Variants in BSG observed in about 807,000 individuals in gnomAD.
BSG encodes basigin (Ok blood group), also known as basigin.
A neutral mutation model predicts 43.1 loss-of-function variants in BSG; 37 were observed. That is an observed-to-expected ratio of 0.86 (90% CI 0.66 to 1.13). BSG has a LOEUF of 1.13. BSG is among the 50% of genes most tolerant of loss of function. The probability of loss-of-function intolerance (pLI) is 0.00; values close to 1 mark genes in which losing one functional copy is unlikely to be tolerated. For synonymous variants in BSG, 309 were observed against 238.7 expected (o/e 1.29, Z -2.72); for missense variants, 599 against 554.2 (o/e 1.08, Z -0.81).
In BSG at chr19:580,707, G is replaced by A. The variant is rs1982217368; in HGVS notation, c.717G>A (p.Met239Ile). Residue 239 changes from methionine (M) to isoleucine (I), a missense_variant, in exon 5 of 9, where the codon ATG (methionine) becomes ATA (isoleucine). Physicochemically the swap from Met to Ile is conservative, Grantham distance 10. Transcript: ENST00000333511. ...ACATCAACGAGGGGGAGACGGCCATGCTGGTCTGCAAGTCAGAGTCCGTGC... is the reference window on the plus strand; with the variant it reads ...ACATCAACGAGGGGGAGACGGCCATACTGGTCTGCAAGTCAGAGTCCGTGC... ...SEHINEGETAMLVCKSESVPP... is the reference protein window; with the variant it reads ...SEHINEGETAILVCKSESVPP... 6.2e-7 allele frequency: 1 copy of A among 1,612,796 alleles called. No individual in the cohort carries two copies. Among genetic ancestry groups the A allele is most frequent in the Non-Finnish European group, 8.5e-7 (1 of 1,179,990 alleles).
At position 581,046 on chromosome 19, in the gene BSG, C is replaced by T. The variant is rs560691399; in HGVS notation, c.792+264C>T. The stretch of plus-strand genomic sequence containing the variant: ...GGGCCTAGACTGGGGGTCCCGGACC[C>T]AGCCCTCTGGACTGCAGCCCTCCAG... On this transcript the variant is annotated intron_variant, in intron 5 of 8. Coordinates refer to ENST00000333511, the MANE Select transcript of BSG (RefSeq NM_001728.4). Among the ~76,000 whole-genome samples the T allele has an allele frequency of 6.5e-5, 5 of 76,710 alleles. 1 individual carries two copies. The highest frequency in any genetic ancestry group is 3.1e-4 in the African/African-American group (4 of 13,028). 50.3% of individuals were successfully genotyped at this position (76,710 alleles called of 152,430 possible).
At chr19:578,283 G>T (rs1244592879) in intron 2 of BSG, 162 bp downstream of exon 2, 4 of 720,024 alleles carry the variant, frequency 5.6e-6, no homozygotes, top group Non-Finnish European at 6.2e-6. Flanking sequence ...CCTGAAGGGG[G>T]TGGGCTCGCC....
intron 1 of BSG, among the ~76,000 whole-genome samples, chr19:576,094 C>G (rs779125579): frequency 7.2e-5 from 11 of 152,360 alleles, no homozygotes; most frequent in Middle Eastern, 6.8e-3. Context: ...AGCACCGGGA[C>G]CGGTGCAGAT....
At chr19:572,212 T>G (rs1407864162), upstream of BSG, 1 of 210,740 alleles carries the variant, frequency 4.7e-6, no homozygotes, top group East Asian at 1.8e-4. Flanking sequence ...GCTCTGGGAG[T>G]ACAGACGTGA....
At chr19:574,532 G>A (rs112785861) in intron 1 of BSG, among the ~76,000 whole-genome samples, 2,953 of 151,222 alleles carry the variant, frequency 0.02, 92 homozygotes, top group African/African-American at 0.068. Flanking sequence ...CAGCCTGGGC[G>A]ACAGAGCGAG....
upstream of BSG, chr19:572,590 G>A (rs1568345674): frequency 6.9e-6 from 10 of 1,447,930 alleles, no homozygotes; most frequent in Non-Finnish European, 8.2e-6. Context: ...CGCGGGCGGC[G>A]GCGGCAGCGG....
At chr19:582,278 CTT>C (rs1213791698) in intron 6 of BSG, 26 bp from the exon 7 acceptor site, 4 of 1,605,118 alleles carry the variant, frequency 2.5e-6, no homozygotes, top group East Asian at 4.5e-5. Context: ...CTCTCGTCCT[CTT>C]TTTCATGGCG....
At position 578,122 on chromosome 19, in the gene BSG, G is replaced by A. The variant is rs1245459563; in HGVS notation, c.415+1G>A. 1.9e-5 allele frequency: 30 copies of A among 1,552,592 alleles called. No homozygotes were observed. In the Admixed American group the frequency reaches 4.2e-4, roughly 22 times the overall value. On this transcript the variant is annotated splice_donor_variant, in intron 2 of 8. Coordinates refer to ENST00000333511, the MANE Select transcript of BSG (RefSeq NM_001728.4). LOFTEE classifies it high-confidence loss of function. ...CAGGCAGTCGTGCTAGTCCTGGAAC[G>A]TGAGTGGCGGGCACCTCCCTCCCCG... is the stretch of plus-strand genomic sequence containing the variant.
chr19:573,334 C>G (rs919103912), intron 1 of BSG, among the ~76,000 whole-genome samples: 6 of 152,254 alleles, frequency 3.9e-5, no homozygotes, highest in East Asian at 3.9e-4. Flanking sequence ...TCCCCTGAGA[C>G]TCTCTGGGGC....
Position 582,245 on chromosome 19 carries a change from G to A in BSG, c.1070-61G>A, listed in dbSNP as rs542552123. 2.0e-5 allele frequency: 32 copies of A among 1,594,076 alleles called. No individual in the cohort carries two copies. The East Asian group carries it at 6.9e-4, about 35-fold the overall frequency. On this transcript the variant is annotated intron_variant, in intron 6 of 8. Coordinates refer to ENST00000333511, the MANE Select transcript of BSG (RefSeq NM_001728.4). The stretch of plus-strand genomic sequence containing the variant: ...AGATGCCCCTGCTCGGGGCCTGAGT[G>A]GGGCCAGTGCTGACAGGCTGTCCTC...
At chr19:573,014 G>A (rs1389258280) in intron 1 of BSG, among the ~76,000 whole-genome samples, 1 of 152,184 alleles carries the variant, frequency 6.6e-6, no homozygotes, top group Non-Finnish European at 1.5e-5. Flanking sequence ...TGGCCAGGCC[G>A]GTCTTGGTCA....
In BSG at chr19:578,001, G is replaced by T. The variant is rs537898048; in HGVS notation, c.295G>T (p.Val99Leu). ...AASTISIDTL[V>L]EEDTGTYECR... ...CAGCACCATCTCCATCGACACGCTC[G>T]TGGAGGAGGACACGGGCACTTACGA... Residue 99 changes from valine (V) to leucine (L), a missense_variant, in exon 2 of 9, where the codon GTG (valine) becomes TTG (leucine). Physicochemically the swap from Val to Leu is conservative, Grantham distance 32. Transcript: ENST00000333511. 6.2e-7 allele frequency: 1 copy of T among 1,612,124 alleles called. No individual in the cohort carries two copies. The highest frequency in any genetic ancestry group is 1.1e-5 in the South Asian group (1 of 90,946).
chr19:576,232 C>T (rs1349506082), intron 1 of BSG, among the ~76,000 whole-genome samples: 1 of 152,202 alleles, frequency 6.6e-6, no homozygotes, highest in Non-Finnish European at 1.5e-5. Context: ...AGTCAGGGGC[C>T]AGCCCTCTCC....
At chr19:575,775 T>C (rs2145890059) in intron 1 of BSG, among the ~76,000 whole-genome samples, 1 of 152,254 alleles carries the variant, frequency 6.6e-6, no homozygotes, top group South Asian at 2.1e-4. Context: ...GTGGCCAGAA[T>C]CGAATTCTAA....
At chr19:576,725 C>T (rs1981801964) in intron 1 of BSG, among the ~76,000 whole-genome samples, 1 of 149,874 alleles carries the variant, frequency 6.7e-6, no homozygotes, top group Admixed American at 6.7e-5. Flanking sequence ...TACACCACTG[C>T]TGAACAGAGT....
upstream of BSG, chr19:571,549 TGAA>T: frequency 1.3e-6 from 1 of 779,514 alleles, no homozygotes; most frequent in Non-Finnish European, 2.4e-6. Flanking sequence ...GCCCCCACAA[TGAA>T]GCAGTCGGAC....
chr19:580,165 AG>A (rs1270560937), intron 3 of BSG, among the ~76,000 whole-genome samples: 2 of 25,666 alleles, frequency 7.8e-5, no homozygotes, highest in African/African-American at 1.3e-3. Flanking sequence ...GTCGGGGAGA[AG>A]GGGGTCTGTT....
intron 1 of BSG, among the ~76,000 whole-genome samples, chr19:573,848 G>C (rs1371155803): frequency 6.6e-6 from 1 of 152,234 alleles, no homozygotes; most frequent in African/African-American, 2.4e-5. Context: ...TTTGGAGAGC[G>C]CATTTGGGAA....
intron 1 of BSG, among the ~76,000 whole-genome samples, chr19:576,586 C>G (rs917802502): frequency 1.3e-5 from 2 of 152,214 alleles, no homozygotes; most frequent in African/African-American, 4.8e-5. Flanking sequence ...ATGGTGAAAC[C>G]CCGTCTCTAC....
Sources: gnomAD v4.1 joint callset for allele counts (sites outside exome capture counted in the v4.1 genomes callset) on GRCh38, gnomAD v4.1.1 for gene constraint, MANE v1.5 for transcripts, NCBI Gene and HGNC (gene_info 2026-07-23, HGNC 2026-07-21) for gene names.